NEO1: variants seen among roughly 807,000 people sequenced by gnomAD.
NEO1 encodes the protein neogenin.
A neutral mutation model predicts 159.7 loss-of-function variants in NEO1; 63 were observed. That is an observed-to-expected ratio of 0.39 (90% CI 0.32 to 0.49). NEO1 has a LOEUF of 0.49. Among genes scored for constraint, NEO1 ranks in the 20% least tolerant of loss-of-function variants. The pLI is 0.85. For synonymous variants in NEO1, 633 were observed against 662.0 expected, an observed-to-expected ratio of 0.96 and a Z score of 0.67; for missense variants, 1,615 against 1,831.0, an observed-to-expected ratio of 0.88 and a Z score of 2.15.
intron 18 of NEO1, among the ~76,000 whole-genome samples, chr15:73,271,372 A>G (rs1363337924): frequency 6.6e-6 from 1 of 152,200 alleles, no homozygotes; most frequent in African/African-American, 2.4e-5. Context: ...GAATTCTAGT[A>G]TTTTAGGAAG....
intron 5 of NEO1, among the ~76,000 whole-genome samples, chr15:73,168,497 C>T (rs1341460275): frequency 4.0e-5 from 6 of 151,324 alleles, no homozygotes; most frequent in East Asian, 1.9e-4. Context: ...CCGCGCTGGC[C>T]GAGAAATACT....
chr15:73,274,693 G>T lies in NEO1; in HGVS notation c.3162G>T (p.Ala1054=), dbSNP rs769600420. ...SEAVQFRTPK[A]DSSDKMPNDQ... is the part of the protein sequence containing the mutation. ...CTTCCCCTGTGCTTGGCCTGTTAGC[G>T]GACTCCTCTGATAAAATGCCTAATG... Residue 1054 remains alanine (A), a splice_region_variant and synonymous_variant, in exon 21 of 29, where the codon GCG becomes GCT. Coordinates refer to ENST00000261908, the MANE Select transcript of NEO1 (RefSeq NM_002499.4). The T allele has an allele frequency of 3.1e-6, 5 of 1,613,630 alleles. No individual in the cohort carries two copies. The Admixed American group carries it at 8.3e-5, about 27-fold the overall frequency.
chr15:73,173,331 A>G lies in NEO1; in HGVS notation c.1016-3072A>G, dbSNP rs1053515029. Among the ~76,000 whole-genome samples the G allele has an allele frequency of 2.6e-5, 4 of 152,222 alleles. No individual in the cohort carries two copies. The East Asian group carries it at 7.7e-4, about 29-fold the overall frequency. On this transcript the variant is annotated intron_variant, in intron 5 of 28. Coordinates refer to ENST00000261908, the MANE Select transcript of NEO1 (RefSeq NM_002499.4). ...GAATATTTGTTCCACCATATATTATAACATATTGCATAGTTATAATAATTT... is the reference window on the plus strand; with the variant it reads ...GAATATTTGTTCCACCATATATTATGACATATTGCATAGTTATAATAATTT...
At chr15:73,106,883 A>G (rs1388381647) in intron 1 of NEO1, among the ~76,000 whole-genome samples, 2 of 152,234 alleles carry the variant, frequency 1.3e-5, no homozygotes, top group African/African-American at 2.4e-5. Context: ...GACTTCGTCC[A>G]ATAATTCCCA....
intron 1 of NEO1, among the ~76,000 whole-genome samples, chr15:73,078,130 T>C (rs760003459): frequency 6.6e-6 from 1 of 152,130 alleles, no homozygotes; most frequent in Non-Finnish European, 1.5e-5. Flanking sequence ...CTGACAGTGG[T>C]GTATACTGTG....
In NEO1 at chr15:73,257,313, A is replaced by G. The variant is rs370361350; in HGVS notation, c.2093-1453A>G. On this transcript the variant is annotated intron_variant, in intron 13 of 28. Coordinates refer to ENST00000261908, the MANE Select transcript of NEO1 (RefSeq NM_002499.4). ...GTCCTTGCCCATGAGGAGATTATTCATTTTCTCAATGAAACATTTGATGTG... is the reference window on the plus strand; with the variant it reads ...GTCCTTGCCCATGAGGAGATTATTCGTTTTCTCAATGAAACATTTGATGTG... Among the ~76,000 whole-genome samples, 8 of 150,934 alleles carry G rather than the reference A, an allele frequency of 5.3e-5. No homozygotes were observed. In the South Asian group the frequency reaches 1.3e-3, roughly 24 times the overall value.
At position 73,102,541 on chromosome 15, in the gene NEO1, T is replaced by G. The variant is rs569402850; in HGVS notation, c.131-13999T>G. 3.3e-5 allele frequency among the ~76,000 whole-genome samples: 5 copies of G among 152,324 alleles called. No homozygotes were observed. The South Asian group carries it at 1.0e-3, about 32-fold the overall frequency. ...CTTGCCTGGATCATCAGTGACTTTCTCAATGTATATCTAATGAATGGGGGT... is the reference window on the plus strand; with the variant it reads ...CTTGCCTGGATCATCAGTGACTTTCGCAATGTATATCTAATGAATGGGGGT... On this transcript the variant is annotated intron_variant, in intron 1 of 28. Transcript: ENST00000261908.
At chr15:73,156,975 T>C (rs1020251583) in intron 5 of NEO1, among the ~76,000 whole-genome samples, 3 of 152,158 alleles carry the variant, frequency 2.0e-5, no homozygotes, top group Admixed American at 2.0e-4. Flanking sequence ...GGAGGGGCAG[T>C]CCCAGCAGCC....
intron 1 of NEO1, among the ~76,000 whole-genome samples, chr15:73,077,174 G>A (rs1208276449): frequency 1.3e-5 from 2 of 152,130 alleles, no homozygotes; most frequent in Non-Finnish European, 2.9e-5. Flanking sequence ...CTCCCGAGTA[G>A]CTGGGATTAC....
At chr15:73,096,219 T>C (rs545311040) in intron 1 of NEO1, among the ~76,000 whole-genome samples, 5 of 152,244 alleles carry the variant, frequency 3.3e-5, no homozygotes, top group African/African-American at 9.6e-5. Flanking sequence ...ACAATAGATA[T>C]CTCGGTTGGT....
chr15:73,091,524 A>G (rs998729615), intron 1 of NEO1, among the ~76,000 whole-genome samples: 31 of 152,180 alleles, frequency 2.0e-4, no homozygotes, highest in Middle Eastern at 3.4e-3. Flanking sequence ...GCTTTTGCGC[A>G]TAGTGAACTG....
chr15:73,106,904 G>C (rs1389738050), intron 1 of NEO1, among the ~76,000 whole-genome samples: 1 of 152,184 alleles, frequency 6.6e-6, no homozygotes, highest in African/African-American at 2.4e-5. Flanking sequence ...TTCTGTCTTA[G>C]AAGTGTCCTT....
At chr15:73,262,451 A>G (rs1445556808) in intron 15 of NEO1, among the ~76,000 whole-genome samples, 1 of 152,214 alleles carries the variant, frequency 6.6e-6, no homozygotes, top group East Asian at 1.9e-4. Context: ...AGGAGATTTG[A>G]ACAGACACTA....
rs185356078 is a variant in NEO1 at position 73,265,824 on chromosome 15, G to A, written c.2399-492G>A. ...CTCATGAGGCATGATGGCTAGGTGA[G>A]GTTTGGCCATTTCTGGATTTGGAGG... On this transcript the variant is annotated intron_variant, in intron 15 of 28. Transcript: ENST00000261908. Among the ~76,000 whole-genome samples the A allele has an allele frequency of 1.5e-3, 223 of 152,282 alleles. 2 individuals are homozygous for A. The highest frequency in any genetic ancestry group is 5.0e-3 in the Admixed American group (76 of 15,294).
In NEO1 at chr15:73,244,424, T is replaced by G. The variant is rs1453661580; in HGVS notation, c.1532T>G (p.Phe511Cys). 1.2e-6 allele frequency: 2 copies of G among 1,613,926 alleles called. No homozygotes were observed. Among genetic ancestry groups the G allele is most frequent in the East Asian group, 2.2e-5 (1 of 44,866 alleles). Residue 511 changes from phenylalanine to cysteine, a missense_variant, in exon 9 of 29, where the codon TTT becomes TGT. By Grantham distance (205) the Phe-to-Cys change is radical. Coordinates refer to ENST00000261908, the MANE Select transcript of NEO1 (RefSeq NM_002499.4). ...QNLMPATVYIFRVMAQNKHGS... is the reference protein window; with the variant it reads ...QNLMPATVYICRVMAQNKHGS... ...CTAATGCCAGCGACCGTGTACATCT[T>G]TAGAGTTATGGCTCAAAATAAGCAT...
intron 1 of NEO1, among the ~76,000 whole-genome samples, chr15:73,108,783 G>A (rs1385330516): frequency 2.6e-5 from 4 of 152,192 alleles, no homozygotes; most frequent in African/African-American, 4.8e-5. Flanking sequence ...AAAACATGAA[G>A]GAAGAAGCTA....
intron 5 of NEO1, among the ~76,000 whole-genome samples, chr15:73,139,916 G>A (rs902369439): frequency 6.6e-6 from 1 of 152,138 alleles, no homozygotes; most frequent in Non-Finnish European, 1.5e-5. Flanking sequence ...GAAAAAGTTT[G>A]CCAATCCCTG....
At chr15:73,185,559 G>A (rs1053774425) in intron 7 of NEO1, among the ~76,000 whole-genome samples, 9 of 152,136 alleles carry the variant, frequency 5.9e-5, no homozygotes, top group South Asian at 2.1e-4. Flanking sequence ...AGCCATTTTC[G>A]AAGATAGTTT....
At position 73,052,621 on chromosome 15, in the gene NEO1, A is replaced by C; in HGVS notation, c.-55A>C. 9.0e-7 allele frequency: 1 copy of C among 1,111,486 alleles called. No homozygotes were observed. The allele number at this position is 1,111,486 out of a possible 1,614,324, so 68.9% of individuals were successfully genotyped here. ...CGGCTGAGGCGCGCGGGAGGGAAGG[A>C]GGCAAGGGCTCCGCGGCGCTGTCGC... On this transcript the variant is annotated 5_prime_UTR_variant, in exon 1 of 29. Transcript: ENST00000261908.
Sources: gnomAD v4.1 joint callset for allele counts (sites outside exome capture counted in the v4.1 genomes callset) on GRCh38, gnomAD v4.1.1 for gene constraint, MANE v1.5 for transcripts, NCBI Gene and HGNC (gene_info 2026-07-23, HGNC 2026-07-21) for gene names.